Variants in ABCC11 observed in about 807,000 individuals in gnomAD.
ABCC11 encodes ATP binding cassette subfamily C member 11.
Under a neutral mutation model 149.3 loss-of-function variants are expected in ABCC11, and 135 were observed. That is an observed-to-expected ratio of 0.90 (90% confidence interval 0.79 to 1.04). The LOEUF is 1.04. ABCC11 is among the 50% of genes least tolerant of loss of function. The pLI is 0.00. For missense variants in ABCC11, 1,680 were observed against 1,722.1 expected (o/e 0.98, Z 0.43); for synonymous variants, 665 against 671.4 (o/e 0.99, Z 0.15).
At chr16:48,217,227 A>C (rs994852411) in intron 6 of ABCC11, among the ~76,000 whole-genome samples, 1 of 152,064 alleles carries the variant, frequency 6.6e-6, no homozygotes, top group African/African-American at 2.4e-5. Flanking sequence ...TCTACTACTA[A>C]TAATAATATT....
At chr16:48,169,259 A>G (rs1965538125) in intron 28 of ABCC11, among the ~76,000 whole-genome samples, 1 of 152,178 alleles carries the variant, frequency 6.6e-6, no homozygotes. Flanking sequence ...GAGACATTTC[A>G]GCTCAGGTGT....
Position 48,173,192 on chromosome 16 carries a change from A to C in ABCC11, c.3698+2066T>G, listed in dbSNP as rs560501982. ...CAGTATGAGAGCCAGGCTGGCATCA[A>C]GACATTCAGAGAGATGCTTAAGGGT... On this transcript the variant is annotated intron_variant, in intron 26 of 29. Coordinates refer to ENST00000356608, the MANE Select transcript of ABCC11 (RefSeq NM_001370497.1). 5.3e-5 allele frequency among the ~76,000 whole-genome samples: 8 copies of C among 152,344 alleles called. No homozygotes were observed. In the East Asian group the frequency reaches 7.7e-4, roughly 15 times the overall value.
At position 48,167,159 on chromosome 16, in the gene ABCC11, T is replaced by G; in HGVS notation, c.*115A>C. On this transcript the variant is annotated 3_prime_UTR_variant, in exon 30 of 30. Coordinates refer to ENST00000356608, the MANE Select transcript of ABCC11 (RefSeq NM_001370497.1). ...CCACCCCCCCTACATTTACCCCTGC[T>G]TCCAGGAGAAGTTCTCATCTCCAAA... The G allele has an allele frequency of 8.7e-6, 4 of 461,410 alleles. No homozygotes were observed. The highest frequency in any genetic ancestry group is 1.7e-5 in the Non-Finnish European group (4 of 230,174). 28.6% of individuals were successfully genotyped at this position (461,410 alleles called of 1,614,324 possible).
downstream of ABCC11, chr16:48,165,633 T>G (rs1338959058): frequency 6.6e-6 from 1 of 152,348 alleles, no homozygotes; most frequent in Admixed American, 6.5e-5. Context: ...GCTTCTAGCC[T>G]CAGGTAGCCC....
intron 1 of ABCC11, chr16:48,244,402 G>A: frequency 6.4e-7 from 1 of 1,567,456 alleles, no homozygotes; most frequent in Non-Finnish European, 8.6e-7. Context: ...TCATCAGTGA[G>A]CCCCATCCAG....
At chr16:48,224,508 C>T (rs9927238) in intron 4 of ABCC11, 79 bp from the exon 5 acceptor site, 2 of 1,512,178 alleles carry the variant, frequency 1.3e-6, no homozygotes, top group Non-Finnish European at 9.0e-7. Flanking sequence ...TAGCCAGGAG[C>T]TTTGTTGCAG....
At chr16:48,243,861 G>A (rs1392111265) in intron 1 of ABCC11, among the ~76,000 whole-genome samples, 2 of 151,992 alleles carry the variant, frequency 1.3e-5, no homozygotes, top group Non-Finnish European at 2.9e-5. Context: ...GTGTGGTGGC[G>A]GGCATCTGTA....
intron 25 of ABCC11, 116 bp downstream of exon 25, chr16:48,176,808 A>C (rs10163354): frequency 8.1e-7 from 1 of 1,232,306 alleles, no homozygotes; most frequent in Non-Finnish European, 1.1e-6. Context: ...CCAGCACAGC[A>C]TGAGGACCTA....
Position 48,231,877 on chromosome 16 carries a change from G to A in ABCC11, c.45C>T (p.Gly15=), listed in dbSNP as rs1356997877. 9 of 1,614,060 alleles carry A rather than the reference G, an allele frequency of 5.6e-6. No homozygotes were observed. The highest frequency in any genetic ancestry group is 1.3e-5 in the African/African-American group (1 of 74,922). ...RTYWVPNSSG[G]LVNRGIDIGD... ...CTATGTCGATGCCACGATTCACGAG[G>A]CCACCAGAAGAGTTGGGCACCCAGT... Residue 15 remains glycine (G), a synonymous_variant, in exon 2 of 30, where the codon GGC becomes GGT. Transcript: ENST00000356608.
Position 48,214,993 on chromosome 16 carries a change from C to T in ABCC11, c.1136G>A (p.Cys379Tyr), listed in dbSNP as rs1211573306. The change falls in exon 9 of 30, where the codon TGC (cysteine) becomes TAC (tyrosine). Residue 379 changes from cysteine (C) to tyrosine (Y), a missense_variant. Coordinates refer to ENST00000356608, the MANE Select transcript of ABCC11 (RefSeq NM_001370497.1). Reference protein sequence around the residue: ...RRKERKLLEKCGLVQSLTSIT... With the variant: ...RRKERKLLEKYGLVQSLTSIT... ...ACTTGTCAGGCTCTGGACAAGCCCGCACTTCTCCAATAGTTTCCTTTCCTT... is the reference window on the plus strand; with the variant it reads ...ACTTGTCAGGCTCTGGACAAGCCCGTACTTCTCCAATAGTTTCCTTTCCTT... 6.2e-7 allele frequency: 1 copy of T among 1,614,114 alleles called. No homozygotes were observed. The highest frequency in any genetic ancestry group is 8.5e-7 in the Non-Finnish European group (1 of 1,180,024).
At chr16:48,183,093 C>T (rs1432658231) in intron 23 of ABCC11, among the ~76,000 whole-genome samples, 3 of 152,326 alleles carry the variant, frequency 2.0e-5, no homozygotes, top group Non-Finnish European at 4.4e-5. Context: ...AGTAACTTGG[C>T]CATGTTCCCA....
chr16:48,217,196 T>G (rs1292131556), intron 6 of ABCC11, among the ~76,000 whole-genome samples: 1 of 152,154 alleles, frequency 6.6e-6, no homozygotes, highest in African/African-American at 2.4e-5. Context: ...TTGCTTCTAT[T>G]CTTCACTCGA....
At chr16:48,238,202 G>A (rs984720378) in intron 1 of ABCC11, among the ~76,000 whole-genome samples, 1 of 152,212 alleles carries the variant, frequency 6.6e-6, no homozygotes, top group Non-Finnish European at 1.5e-5. Flanking sequence ...GTCAGACAAA[G>A]AGCTTTAGGC....
intron 18 of ABCC11, among the ~76,000 whole-genome samples, chr16:48,195,775 G>A (rs750157338): frequency 2.6e-5 from 4 of 152,072 alleles, no homozygotes; most frequent in East Asian, 1.9e-4. Flanking sequence ...TTTTCTCTCC[G>A]ATTCTATTTC....
intron 29 of ABCC11, 29 bp from the exon 30 acceptor site, chr16:48,167,395 A>G: frequency 6.6e-7 from 1 of 1,520,622 alleles, no homozygotes; most frequent in Non-Finnish European, 9.1e-7. Flanking sequence ...CGAGGGGAGG[A>G]TCAGGGCACA....
intron 3 of ABCC11, among the ~76,000 whole-genome samples, chr16:48,228,833 C>T (rs1025190577): frequency 1.3e-5 from 2 of 151,162 alleles, no homozygotes; most frequent in African/African-American, 4.9e-5. Context: ...TAAGGTATTA[C>T]CTTTAAGAAT....
intron 17 of ABCC11, among the ~76,000 whole-genome samples, chr16:48,196,656 A>G (rs1040856638): frequency 4.1e-4 from 62 of 152,248 alleles, no homozygotes; most frequent in African/African-American, 1.4e-3. Context: ...GACACTGTGC[A>G]ACATCAGGCA....
intron 13 of ABCC11, 116 bp from the exon 14 acceptor site, chr16:48,203,416 G>T: frequency 1.1e-6 from 1 of 925,248 alleles, no homozygotes; most frequent in Non-Finnish European, 1.7e-6. Context: ...ACTTGATGGT[G>T]TTTAATGGTA....
In ABCC11 at chr16:48,184,468, T is replaced by A; in HGVS notation, c.3230A>T (p.Lys1077Ile). 2.5e-6 allele frequency: 4 copies of A among 1,614,094 alleles called. No homozygotes were observed. Among genetic ancestry groups the A allele is most frequent in the Non-Finnish European group, 3.4e-6 (4 of 1,179,996 alleles). ...CAGCACGATGTTGACAGCCATGACT[T>A]TAAAGGAGTAGGGGGTGGAGGAAAT... ...FGISSTPYSF[K>I]VMAVNIVLQL... Residue 1077 changes from lysine to isoleucine, a missense_variant, in exon 23 of 30, where the codon AAA becomes ATA. Lys to Ile is a moderately radical substitution (Grantham distance 102). Coordinates refer to ENST00000356608, the MANE Select transcript of ABCC11 (RefSeq NM_001370497.1).
Sources: gnomAD v4.1 joint callset for allele counts (sites outside exome capture counted in the v4.1 genomes callset) on GRCh38, gnomAD v4.1.1 for gene constraint, MANE v1.5 for transcripts, NCBI Gene and HGNC (gene_info 2026-07-23, HGNC 2026-07-21) for gene names.